DOK2: variants seen among roughly 807,000 people sequenced by gnomAD.
DOK2 encodes docking protein 2.
DOK2 carries 28 observed loss-of-function variants against 26.0 expected under a neutral mutation model. The observed-to-expected ratio is 1.08, with a 90% confidence interval of 0.80 to 1.48. The LOEUF (loss-of-function observed/expected upper bound fraction) is 1.48, where lower values mean the gene tolerates loss of function less well. Among genes scored for constraint, DOK2 ranks in the 40% most tolerant of loss-of-function variants. The pLI is 0.00. For missense variants in DOK2, 682 were observed against 558.2 expected (o/e 1.22, Z -2.23); for synonymous variants, 282 against 236.9 (o/e 1.19, Z -1.75).
chr8:21,911,812 G>A, intron 3 of DOK2, 89 bp downstream of exon 3: 1 of 1,371,508 alleles, frequency 7.3e-7, no homozygotes, highest in Non-Finnish European at 9.8e-7. Flanking sequence ...GGAAGACTCG[G>A]GGCCAGCAGC....
Position 21,910,845 on chromosome 8 carries a change from T to C in DOK2, c.446A>G (p.Lys149Arg). Residue 149 changes from lysine (K) to arginine (R), a missense_variant, in exon 4 of 5, where the codon AAG (lysine) becomes AGG (arginine). Coordinates refer to ENST00000276420, the MANE Select transcript of DOK2 (RefSeq NM_003974.4). Reference protein sequence around the residue: ...YSSAVTVGPHKEFAVTMRPTE... With the variant: ...YSSAVTVGPHREFAVTMRPTE... ...AGGTCTCATGGTCACAGCAAATTCC[T>C]TGTGGGGGCCGACTGGGGAGAAGAA... 1.2e-6 allele frequency: 2 copies of C among 1,605,204 alleles called. No homozygotes were observed. The highest frequency in any genetic ancestry group is 1.7e-4 in the Middle Eastern group (1 of 6,016).
chr8:21,910,652 C>G, intron 4 of DOK2, 21 bp downstream of exon 4: 1 of 1,613,354 alleles, frequency 6.2e-7, no homozygotes, highest in Non-Finnish European at 8.5e-7. Context: ...TCAACCTGCC[C>G]TGATGCAGCT....
At chr8:21,909,965 C>A in intron 4 of DOK2, 34 bp from the exon 5 acceptor site, 1 of 1,578,538 alleles carries the variant, frequency 6.3e-7, no homozygotes, top group Non-Finnish European at 8.6e-7. Flanking sequence ...ATTGGCCAGG[C>A]CACAGGGCAG....
Position 21,909,272 on chromosome 8 carries a change from G to A in DOK2, c.*39C>T, listed in dbSNP as rs1474212682. ...CAGTGGCCAGGAGGAGTCACCAGCA[G>A]AAGCCAAGGGGCGGTGGACCATCCC... On this transcript the variant is annotated 3_prime_UTR_variant, in exon 5 of 5. Transcript: ENST00000276420. The A allele has an allele frequency of 6.6e-7, 1 of 1,513,620 alleles. No individual in the cohort carries two copies. The highest frequency in any genetic ancestry group is 1.4e-5 in the African/African-American group (1 of 71,610). 93.8% of individuals were successfully genotyped at this position (1,513,620 alleles called of 1,614,324 possible).
chr8:21,909,515 G>A lies in DOK2; in HGVS notation c.1035C>T (p.Tyr345=), dbSNP rs149795299. The A allele has an allele frequency of 4.1e-5, 66 of 1,614,162 alleles. No individual in the cohort carries two copies. The highest frequency in any genetic ancestry group is 5.2e-5 in the Non-Finnish European group (61 of 1,180,036). Residue 345 remains tyrosine (Y), a synonymous_variant, in exon 5 of 5, where the codon TAC becomes TAT. Coordinates refer to ENST00000276420, the MANE Select transcript of DOK2 (RefSeq NM_003974.4). ...GGGCAGCCACTCCCTCGGGCTCATC[G>A]TATATGTGGTCAGGTCGAGGGGGCA... ...ETLPPRPDHI[Y]DEPEGVAALS...
At chr8:21,913,315 A>C (rs1323500177) in intron 1 of DOK2, among the ~76,000 whole-genome samples, 2 of 152,218 alleles carry the variant, frequency 1.3e-5, no homozygotes, top group Non-Finnish European at 2.9e-5. Flanking sequence ...CACCCAGGGC[A>C]AACAGCCCTC....
Position 21,913,569 on chromosome 8 carries a change from C to T in DOK2, c.33G>A (p.Leu11=). The change falls in exon 1 of 5, where the codon TTG becomes TTA. Residue 11 remains leucine, a synonymous_variant. Transcript: ENST00000276420. ...CAAACGTCTGCTGCTGCTGAAGATA[C>T]AAGAAGCCTTGTTTCACTGCCCCGT... The part of the protein sequence containing the change: MGDGAVKQGF[L]YLQQQQTFGK... 3 of 1,614,062 alleles carry T rather than the reference C, an allele frequency of 1.9e-6. No individual in the cohort carries two copies.
chr8:21,912,627 G>C (rs1003817294), intron 1 of DOK2, 117 bp from the exon 2 acceptor site: 1 of 984,792 alleles, frequency 1.0e-6, no homozygotes, highest in African/African-American at 1.6e-5. Context: ...ACTTGGAGAT[G>C]GGGAGAGAGA....
In DOK2 at chr8:21,911,382, G is replaced by T. The variant is rs548813547; in HGVS notation, c.433+519C>A. On this transcript the variant is annotated intron_variant, in intron 3 of 4. Transcript: ENST00000276420. ...AACACTTTGGGAGGCTGAGGCAGGT[G>T]GATCACCTGATGTCAGGAGTTTGAG... Among the ~76,000 whole-genome samples the T allele has an allele frequency of 1.5e-4, 23 of 152,318 alleles. No homozygotes were observed. In the South Asian group the frequency reaches 4.8e-3, roughly 32 times the overall value.
rs573320369 is a variant in DOK2, at chr8:21,910,452, T to C, written c.618+221A>G. Among the ~76,000 whole-genome samples the C allele has an allele frequency of 1.2e-4, 18 of 152,248 alleles. No individual in the cohort carries two copies. In the East Asian group the frequency reaches 3.3e-3, roughly 28 times the overall value. On this transcript the variant is annotated intron_variant, in intron 4 of 4. Transcript: ENST00000276420. The stretch of plus-strand genomic sequence containing the variant: ...CTGCTCACTGCCACCATTTCAAGGA[T>C]GGAGCTAGGCACTAGTTCAGACGCT...
chr8:21,911,091 T>G (rs893480907), intron 3 of DOK2: 2 of 545,446 alleles, frequency 3.7e-6, no homozygotes, highest in Non-Finnish European at 6.5e-6. Flanking sequence ...CCTACCCACA[T>G]CCACCCCAAC....
chr8:21,910,912 G>A, intron 3 of DOK2, 55 bp from the exon 4 acceptor site: 1 of 1,526,952 alleles, frequency 6.5e-7, no homozygotes, highest in South Asian at 1.3e-5. Flanking sequence ...CAGCTGGCCT[G>A]CCTCACCACT....
At position 21,909,231 on chromosome 8, in the gene DOK2, G is replaced by A. The variant is rs1014557417; in HGVS notation, c.*80C>T. The A allele has an allele frequency of 1.4e-6, 2 of 1,477,278 alleles. No homozygotes were observed. The highest frequency in any genetic ancestry group is 2.3e-5 in the Admixed American group (1 of 43,488). The allele number at this position is 1,477,278 out of a possible 1,614,324, so 91.5% of individuals were successfully genotyped here. On this transcript the variant is annotated 3_prime_UTR_variant, in exon 5 of 5. Coordinates refer to ENST00000276420, the MANE Select transcript of DOK2 (RefSeq NM_003974.4). The stretch of plus-strand genomic sequence containing the variant: ...GGCCTCGGGCTCCAGAAGGGGCAGA[G>A]GAGGTTCTTCTGATGCAGTGGCCAG...
In DOK2 at chr8:21,912,279, C is replaced by T. The variant is rs780958143; in HGVS notation, c.295G>A (p.Ala99Thr). The change falls in exon 2 of 5, where the codon GCA becomes ACA. Residue 99 changes from alanine to threonine, a missense_variant. By Grantham distance (58) the Ala-to-Thr change is moderately conservative. Coordinates refer to ENST00000276420, the MANE Select transcript of DOK2 (RefSeq NM_003974.4). ...KERLYLLAAP[A>T]AERGDWVQAI... is the part of the protein sequence containing the mutation. The stretch of plus-strand genomic sequence containing the variant: ...TGCACCCAGTCGCCGCGCTCCGCTG[C>T]AGGGGCCGCCAGGAGGTACAGGCGC... 55 of 1,587,066 alleles carry T rather than the reference C, an allele frequency of 3.5e-5. No individual in the cohort carries two copies. Among genetic ancestry groups the T allele is most frequent in the Non-Finnish European group, 4.6e-5 (54 of 1,169,374 alleles).
intron 2 of DOK2, 91 bp from the exon 3 acceptor site, chr8:21,912,079 G>T: frequency 6.7e-7 from 1 of 1,486,044 alleles, no homozygotes; most frequent in African/African-American, 1.4e-5. Context: ...CAACCTGCTG[G>T]CTCTGTCTGC....
In DOK2 at chr8:21,909,214, G is replaced by A. The variant is rs903019343; in HGVS notation, c.*97C>T. 12 of 1,421,468 alleles carry A rather than the reference G, an allele frequency of 8.4e-6. No individual in the cohort carries two copies. The highest frequency in any genetic ancestry group is 5.7e-5 in the African/African-American group (4 of 69,746). The allele number at this position is 1,421,468 out of a possible 1,614,324, so 88.1% of individuals were successfully genotyped here. ...CCAACGAAGACAGGCCAGGCCTCGG[G>A]CTCCAGAAGGGGCAGAGGAGGTTCT... On this transcript the variant is annotated 3_prime_UTR_variant, in exon 5 of 5. Coordinates refer to ENST00000276420, the MANE Select transcript of DOK2 (RefSeq NM_003974.4).
intron 3 of DOK2, 140 bp downstream of exon 3, chr8:21,911,761 T>C: frequency 1.1e-6 from 1 of 903,830 alleles, no homozygotes; most frequent in Non-Finnish European, 1.6e-6. Context: ...AAGGAGAGGC[T>C]GATAACGGGG....
Position 21,912,273 on chromosome 8 carries a change from C to A in DOK2, c.301G>T (p.Glu101Ter), listed in dbSNP as rs751346454. The change falls in exon 2 of 5, where the codon GAG (glutamate) becomes TAG (stop). Residue 101 changes from glutamate to a stop codon, truncating the protein, a stop_gained. Coordinates refer to ENST00000276420, the MANE Select transcript of DOK2 (RefSeq NM_003974.4). LOFTEE classifies it high-confidence loss of function. ...RLYLLAAPAA[E>*]RGDWVQAICL... ...ATGGCCTGCACCCAGTCGCCGCGCT[C>A]CGCTGCAGGGGCCGCCAGGAGGTAC... 9.5e-6 allele frequency: 15 copies of A among 1,583,952 alleles called. No individual in the cohort carries two copies. The highest frequency in any genetic ancestry group is 1.4e-5 in the African/African-American group (1 of 74,044).
chr8:21,909,807 G>A lies in DOK2; in HGVS notation c.743C>T (p.Ala248Val), dbSNP rs752494832. ...LEEAISAQKN[A>V]APATPQPQPA... ...CTGCGGTTGGGGTGTAGCGGGTGCA[G>A]CATTCTTCTGGGCAGAGATGGCCTC... The change falls in exon 5 of 5, where the codon GCT (alanine) becomes GTT (valine). Residue 248 changes from alanine (A) to valine (V), a missense_variant. By Grantham distance (64) the Ala-to-Val change is moderately conservative. Transcript: ENST00000276420. 1.5e-5 allele frequency: 25 copies of A among 1,613,818 alleles called. No homozygotes were observed. Among genetic ancestry groups the A allele is most frequent in the African/African-American group, 1.1e-4 (8 of 74,918 alleles).
Sources: gnomAD v4.1 joint callset for allele counts (sites outside exome capture counted in the v4.1 genomes callset) on GRCh38, gnomAD v4.1.1 for gene constraint, MANE v1.5 for transcripts, NCBI Gene and HGNC (gene_info 2026-07-23, HGNC 2026-07-21) for gene names.